HPSE2: variants seen among roughly 807,000 people sequenced by gnomAD.
HPSE2 encodes inactive heparanase-2.
Under a neutral mutation model 60.5 loss-of-function variants are expected in HPSE2, and 38 were observed. That is an observed-to-expected ratio of 0.63 (90% CI 0.48 to 0.82). The LOEUF (loss-of-function observed/expected upper bound fraction) is 0.82, where lower values mean the gene tolerates loss of function less well. Among genes scored for constraint, HPSE2 ranks in the 40% least tolerant of loss-of-function variants. The pLI, the probability that HPSE2 is intolerant of heterozygous loss-of-function variation, is 0.00. For synonymous variants in HPSE2, 295 were observed against 293.2 expected (o/e 1.01, Z -0.06); for missense variants, 713 against 740.4 (o/e 0.96, Z 0.43).
At position 99,131,646 on chromosome 10, in the gene HPSE2, G is replaced by A. The variant is rs186380429; in HGVS notation, c.610+12592C>T. On this transcript the variant is annotated intron_variant, in intron 3 of 11. Transcript: ENST00000370552. ...TGTAAGTGAAGTAACTCAGGGATTG[G>A]AAAACCAAACATTGTATGTTCTCAC... Among the ~76,000 whole-genome samples the A allele has an allele frequency of 1.8e-3, 276 of 152,204 alleles. 2 individuals carry two copies. The highest frequency in any genetic ancestry group is 6.5e-3 in the African/African-American group (268 of 41,522).
chr10:98,953,498 C>A (rs1038511435), intron 3 of HPSE2, among the ~76,000 whole-genome samples: 2 of 152,174 alleles, frequency 1.3e-5, no homozygotes, highest in Admixed American at 6.5e-5. Flanking sequence ...GTCCCTTCTA[C>A]CCCCGATCTA....
At chr10:99,111,222 T>C (rs544944955) in intron 3 of HPSE2, among the ~76,000 whole-genome samples, 3 of 152,352 alleles carry the variant, frequency 2.0e-5, no homozygotes, top group African/African-American at 7.2e-5. Context: ...TGTCATTTTA[T>C]AGTAAGTATT....
intron 3 of HPSE2, among the ~76,000 whole-genome samples, chr10:99,118,107 T>C (rs962204375): frequency 6.6e-6 from 1 of 152,054 alleles, no homozygotes; most frequent in African/African-American, 2.4e-5. Context: ...ATAGATGTGA[T>C]CCATCACATA....
At chr10:98,577,568 T>G (rs1264281702) in intron 9 of HPSE2, among the ~76,000 whole-genome samples, 1 of 152,238 alleles carries the variant, frequency 6.6e-6, no homozygotes. Context: ...ATTTTGTCCT[T>G]GCTCTTCTGA....
chr10:99,193,584 T>G (rs532069118), intron 2 of HPSE2, among the ~76,000 whole-genome samples: 55 of 150,346 alleles, frequency 3.7e-4, no homozygotes, highest in Non-Finnish European at 5.8e-4. Context: ...AATAAAGGGA[T>G]AGTAAAAGGT....
At chr10:98,575,727 T>C (rs1759865740) in intron 9 of HPSE2, among the ~76,000 whole-genome samples, 1 of 152,226 alleles carries the variant, frequency 6.6e-6, no homozygotes, top group Non-Finnish European at 1.5e-5. Flanking sequence ...CTGATTCCAC[T>C]GCAATGTTAT....
At chr10:99,159,683 A>G (rs1253610508) in intron 2 of HPSE2, among the ~76,000 whole-genome samples, 1 of 152,224 alleles carries the variant, frequency 6.6e-6, no homozygotes, top group South Asian at 2.1e-4. Flanking sequence ...AGACCTAAAT[A>G]TAAGATCTAA....
chr10:98,995,263 G>C (rs1266891807), intron 3 of HPSE2, among the ~76,000 whole-genome samples: 1 of 152,052 alleles, frequency 6.6e-6, no homozygotes, highest in Non-Finnish European at 1.5e-5. Flanking sequence ...TCCCAAAATT[G>C]TATTTACCAT....
At chr10:99,014,132 G>A (rs1039390798) in intron 3 of HPSE2, among the ~76,000 whole-genome samples, 4 of 152,186 alleles carry the variant, frequency 2.6e-5, no homozygotes, top group African/African-American at 4.8e-5. Flanking sequence ...CCTGCCACAC[G>A]CGAGTCCCTG....
intron 3 of HPSE2, among the ~76,000 whole-genome samples, chr10:99,121,123 A>G (rs984596200): frequency 1.9e-4 from 29 of 152,234 alleles, no homozygotes; most frequent in African/African-American, 7.0e-4. Context: ...CATAAAAAGT[A>G]AGAGCATGAT....
At chr10:98,839,245 C>T (rs558150610) in intron 3 of HPSE2, among the ~76,000 whole-genome samples, 3 of 152,130 alleles carry the variant, frequency 2.0e-5, no homozygotes, top group Admixed American at 6.5e-5. Flanking sequence ...TTATTAATGA[C>T]CGGTAACCAA....
At chr10:98,805,747 A>C (rs1951027949) in intron 3 of HPSE2, among the ~76,000 whole-genome samples, 1 of 152,196 alleles carries the variant, frequency 6.6e-6, no homozygotes, top group Admixed American at 6.5e-5. Context: ...GACAATGCGG[A>C]AAGAAATTGT....
At chr10:98,946,431 C>T (rs1955186019) in intron 3 of HPSE2, among the ~76,000 whole-genome samples, 1 of 150,484 alleles carries the variant, frequency 6.6e-6, no homozygotes, top group African/African-American at 2.5e-5. Flanking sequence ...CATGATCATA[C>T]CACTGCACTC....
At position 98,776,048 on chromosome 10, in the gene HPSE2, A is replaced by G. The variant is rs576656467; in HGVS notation, c.611-31992T>C. 3.3e-5 allele frequency among the ~76,000 whole-genome samples: 5 copies of G among 152,234 alleles called. No homozygotes were observed. The East Asian group carries it at 5.8e-4, about 18-fold the overall frequency. On this transcript the variant is annotated intron_variant, in intron 3 of 11. Coordinates refer to ENST00000370552, the MANE Select transcript of HPSE2 (RefSeq NM_021828.5). ...AACCATTACTCTAACTCAGGCCTCT[A>G]TATCATTCACTCAAATAGTTGCCAC...
intron 3 of HPSE2, among the ~76,000 whole-genome samples, chr10:98,990,860 C>T (rs937975683): frequency 2.1e-4 from 32 of 152,158 alleles, no homozygotes; most frequent in African/African-American, 7.7e-4. Flanking sequence ...TTTCACATTA[C>T]CTACACATAC....
At chr10:99,135,514 G>A (rs1464069865) in intron 3 of HPSE2, among the ~76,000 whole-genome samples, 1 of 152,156 alleles carries the variant, frequency 6.6e-6, no homozygotes, top group African/African-American at 2.4e-5. Context: ...CAGTCTCTCA[G>A]ACCACAGTGC....
At chr10:98,933,529 ATCTG>A (rs1233816457) in intron 3 of HPSE2, among the ~76,000 whole-genome samples, 4 of 143,406 alleles carry the variant, frequency 2.8e-5, no homozygotes, top group Non-Finnish European at 4.5e-5. Context: ...TGTCTCAATG[ATCTG>A]TCTAACACTG....
At chr10:98,987,802 C>G (rs12356624) in intron 3 of HPSE2, among the ~76,000 whole-genome samples, 72,315 of 151,714 alleles carry the variant, frequency 0.48, 19,310 homozygotes, top group East Asian at 0.62. Flanking sequence ...AAAGTCTCAG[C>G]ATACAAAATC....
At chr10:98,495,540 G>C (rs988085021) in intron 9 of HPSE2, among the ~76,000 whole-genome samples, 5 of 151,924 alleles carry the variant, frequency 3.3e-5, no homozygotes, top group African/African-American at 1.2e-4. Flanking sequence ...GTGTCCCCCA[G>C]GTCCCTTTGG....
Sources: gnomAD v4.1 joint callset for allele counts (sites outside exome capture counted in the v4.1 genomes callset) on GRCh38, gnomAD v4.1.1 for gene constraint, MANE v1.5 for transcripts, NCBI Gene and HGNC (gene_info 2026-07-23, HGNC 2026-07-21) for gene names.